ABTB2: variants seen among roughly 807,000 people sequenced by gnomAD.
ABTB2 encodes the protein ankyrin repeat and BTB domain containing 2.
In ABTB2, 56 loss-of-function variants were observed where a neutral mutation model predicts 104.1. That is an observed-to-expected ratio of 0.54 (90% CI 0.43 to 0.67). The LOEUF is 0.67. ABTB2 is among the 30% of genes least tolerant of loss of function. ABTB2 has a pLI of 0.00. For missense variants in ABTB2, 1,279 were observed against 1,407.7 expected (o/e 0.91, Z 1.46); for synonymous variants, 606 against 608.2 (o/e 1.00, Z 0.05).
At chr11:34,320,477 A>G (rs1253066526) in intron 1 of ABTB2, among the ~76,000 whole-genome samples, 1 of 152,318 alleles carries the variant, frequency 6.6e-6, no homozygotes, top group East Asian at 1.9e-4. Context: ...GCTGTAGACC[A>G]TTTCAATGCC....
chr11:34,202,811 C>A (rs1039239272), intron 2 of ABTB2, among the ~76,000 whole-genome samples: 4 of 151,956 alleles, frequency 2.6e-5, no homozygotes, highest in African/African-American at 9.7e-5. Context: ...CACACTCCAG[C>A]CTGGGTGACA....
At chr11:34,168,122 A>C (rs911218167) in intron 5 of ABTB2, 130 bp from the exon 6 acceptor site, 1 of 908,912 alleles carries the variant, frequency 1.1e-6, no homozygotes, top group Non-Finnish European at 1.7e-6. Flanking sequence ...GTGGTCCCCC[A>C]GGCTCTGTGC....
chr11:34,301,834 A>T (rs1854710222), intron 1 of ABTB2, among the ~76,000 whole-genome samples: 1 of 152,182 alleles, frequency 6.6e-6, no homozygotes, highest in African/African-American at 2.4e-5. Context: ...AGAAAATACA[A>T]AAATTAGCTG....
intron 1 of ABTB2, among the ~76,000 whole-genome samples, chr11:34,284,843 C>T (rs1005871181): frequency 1.3e-5 from 2 of 152,258 alleles, no homozygotes; most frequent in African/African-American, 4.8e-5. Context: ...ACACACCCCA[C>T]CTGATACCGC....
chr11:34,228,249 A>G (rs1288559321), intron 1 of ABTB2, among the ~76,000 whole-genome samples: 1 of 82,554 alleles, frequency 1.2e-5, no homozygotes, highest in Non-Finnish European at 2.7e-5. Flanking sequence ...AAGTAGGGAC[A>G]GGGTTTCGCA....
At chr11:34,248,640 A>G (rs1471301700) in intron 1 of ABTB2, among the ~76,000 whole-genome samples, 1 of 152,222 alleles carries the variant, frequency 6.6e-6, no homozygotes, top group African/African-American at 2.4e-5. Flanking sequence ...ATGTGGTCAT[A>G]ACACCCTCCC....
intron 1 of ABTB2, among the ~76,000 whole-genome samples, chr11:34,242,198 C>A (rs1337595997): frequency 6.6e-6 from 1 of 152,190 alleles, no homozygotes; most frequent in East Asian, 1.9e-4. Context: ...AGGCCTTCTG[C>A]CGCAGATCTG....
intron 2 of ABTB2, among the ~76,000 whole-genome samples, chr11:34,198,464 C>A (rs11376439): frequency 1.1e-4 from 16 of 144,914 alleles, no homozygotes; most frequent in African/African-American, 2.0e-4. Flanking sequence ...CAAAAAAAAA[C>A]AAAAACTTGA....
chr11:34,318,110 G>A (rs184413853), intron 1 of ABTB2, among the ~76,000 whole-genome samples: 10 of 152,182 alleles, frequency 6.6e-5, no homozygotes, highest in East Asian at 1.9e-4. Context: ...GGGACTACAC[G>A]CATGTGCCAC....
chr11:34,202,037 G>A (rs907320650), intron 2 of ABTB2, among the ~76,000 whole-genome samples: 1 of 152,212 alleles, frequency 6.6e-6, no homozygotes, highest in Non-Finnish European at 1.5e-5. Context: ...TCTAAGCAAT[G>A]AGGATACAGC....
chr11:34,262,203 G>A (rs968661356), intron 1 of ABTB2, among the ~76,000 whole-genome samples: 2 of 152,188 alleles, frequency 1.3e-5, no homozygotes, highest in Admixed American at 6.5e-5. Context: ...TTGGGATTTG[G>A]ATCCTCTAAG....
At chr11:34,164,564 GC>G in intron 9 of ABTB2, 121 bp downstream of exon 9, 1 of 1,192,830 alleles carries the variant, frequency 8.4e-7, no homozygotes. Context: ...TAGCACACAG[GC>G]CCCCTGTTTT....
intron 1 of ABTB2, among the ~76,000 whole-genome samples, chr11:34,267,922 A>C (rs866800627): frequency 1.3e-5 from 2 of 152,184 alleles, no homozygotes; most frequent in Admixed American, 6.5e-5. Context: ...TATGTAAAAC[A>C]TGCTCCCTAT....
At chr11:34,225,562 C>T (rs1853674811) in intron 1 of ABTB2, among the ~76,000 whole-genome samples, 2 of 151,868 alleles carry the variant, frequency 1.3e-5, no homozygotes, top group Admixed American at 1.3e-4. Context: ...TCGAGATCAG[C>T]CTGACCAACA....
intron 13 of ABTB2, among the ~76,000 whole-genome samples, chr11:34,159,673 GC>G (rs764474868): frequency 1.3e-5 from 2 of 152,192 alleles, no homozygotes; most frequent in African/African-American, 2.4e-5. Context: ...AATAATAAAA[GC>G]AATAACTAGG....
intron 1 of ABTB2, among the ~76,000 whole-genome samples, chr11:34,237,540 G>T (rs1257863652): frequency 1.3e-5 from 2 of 152,148 alleles, no homozygotes; most frequent in African/African-American, 2.4e-5. Flanking sequence ...TTCTTAAAGG[G>T]TAGTCTCATT....
chr11:34,248,513 AG>A (rs1481795575), intron 1 of ABTB2, among the ~76,000 whole-genome samples: 2 of 152,218 alleles, frequency 1.3e-5, no homozygotes, highest in Admixed American at 1.3e-4. Context: ...GAAACCAGGA[AG>A]GCTATTACTG....
At chr11:34,224,697 G>A (rs1313965229) in intron 1 of ABTB2, among the ~76,000 whole-genome samples, 2 of 152,134 alleles carry the variant, frequency 1.3e-5, no homozygotes, top group Non-Finnish European at 2.9e-5. Context: ...CAAAGACTGA[G>A]GGCGAACATC....
intron 1 of ABTB2, among the ~76,000 whole-genome samples, chr11:34,351,017 T>C (rs1463612059): frequency 1.3e-5 from 2 of 152,190 alleles, no homozygotes; most frequent in Non-Finnish European, 2.9e-5. Flanking sequence ...GACCTATTAC[T>C]ACAGCTGCAT....
Sources: gnomAD v4.1 joint callset for allele counts (sites outside exome capture counted in the v4.1 genomes callset) on GRCh38, gnomAD v4.1.1 for gene constraint, MANE v1.5 for transcripts, NCBI Gene and HGNC (gene_info 2026-07-23, HGNC 2026-07-21) for gene names.